COL11A1: variants seen among roughly 807,000 people sequenced by gnomAD.
COL11A1 encodes the protein collagen alpha-1(XI) chain.
In COL11A1, 74 loss-of-function variants were observed where a neutral mutation model predicts 265.2. That is an observed-to-expected ratio of 0.28 (90% confidence interval 0.23 to 0.34). The LOEUF is 0.34. Among genes scored for constraint, COL11A1 ranks in the 10% least tolerant of loss-of-function variants. The pLI is 1.00. For synonymous variants in COL11A1, 816 were observed against 727.6 expected (o/e 1.12, Z -1.96); for missense variants, 2,165 against 2,263.6 (o/e 0.96, Z 0.88).
intron 41 of COL11A1, 23 bp downstream of exon 41, chr1:102,961,843 C>G (rs746249709): frequency 2.1e-5 from 33 of 1,606,466 alleles, no homozygotes; most frequent in Non-Finnish European, 2.8e-5. Context: ...GATTGTCTGG[C>G]TATTTATTAT....
chr1:102,999,644 CA>C (rs1245299912), intron 24 of COL11A1, among the ~76,000 whole-genome samples: 2 of 150,870 alleles, frequency 1.3e-5, no homozygotes, highest in Admixed American at 6.6e-5. Flanking sequence ...ATATTTTTAC[CA>C]AAAATAAAAG....
At chr1:103,023,541 GA>G (rs968422483) in intron 7 of COL11A1, among the ~76,000 whole-genome samples, 50 of 152,104 alleles carry the variant, frequency 3.3e-4, no homozygotes, top group African/African-American at 1.1e-3. Flanking sequence ...ATATTTGGTA[GA>G]GACGGGTTTT....
At chr1:103,001,214 TAA>T (rs1287533251) in intron 24 of COL11A1, 1 of 397,480 alleles carries the variant, frequency 2.5e-6, no homozygotes, top group African/African-American at 2.1e-5. Flanking sequence ...GTAAATTTAG[TAA>T]AAATAATTCA....
Position 103,045,823 on chromosome 1 carries a change from G to C in COL11A1, c.652-14579C>G, listed in dbSNP as rs375891538. Among the ~76,000 whole-genome samples, 19 of 147,446 alleles carry C rather than the reference G, an allele frequency of 1.3e-4. No homozygotes were observed. The East Asian group carries it at 2.8e-3, about 22-fold the overall frequency. On this transcript the variant is annotated intron_variant, in intron 4 of 66. Transcript: ENST00000370096. ...GTGACGTTCCCCTTCCTGTGTCCAT[G>C]TGTTCTTATTATTCAATTCCCACCT...
At chr1:102,965,624 C>T in intron 37 of COL11A1, 84 bp from the exon 38 acceptor site, 1 of 1,119,340 alleles carries the variant, frequency 8.9e-7, no homozygotes. Context: ...GAATAAGTCA[C>T]ATTAAAAGAA....
intron 48 of COL11A1, 116 bp downstream of exon 48, chr1:102,921,402 A>G (rs988013774): frequency 2.4e-6 from 2 of 816,792 alleles, no homozygotes; most frequent in Admixed American, 2.4e-5. Flanking sequence ...TGAGTTCTTA[A>G]CCACTTAATA....
chr1:103,002,920 GAA>G (rs1053750762), intron 21 of COL11A1, 129 bp from the exon 22 acceptor site: 12 of 926,586 alleles, frequency 1.3e-5, no homozygotes, highest in Middle Eastern at 3.0e-4. Context: ...GGATTTAATG[GAA>G]ACGAAGAAGA....
In COL11A1 at chr1:103,018,050, AT is replaced by A. The variant is rs141009352; in HGVS notation, c.1351-169del. Reference sequence around the variant, plus strand: ...GTGAAAAGACAACATATAGAAACCAATTTGTAGCTAGTTCAGCTGCTCTCAG... The same window carrying A: ...GTGAAAAGACAACATATAGAAACCAATTGTAGCTAGTTCAGCTGCTCTCAG... On this transcript the variant is annotated intron_variant, in intron 10 of 66. Coordinates refer to ENST00000370096, the MANE Select transcript of COL11A1 (RefSeq NM_001854.4). 7.1e-3 allele frequency among the ~76,000 whole-genome samples: 1,081 copies of A among 152,260 alleles called. 14 individuals carry two copies. Among genetic ancestry groups the A allele is most frequent in the African/African-American group, 0.025 (1,027 of 41,566 alleles).
chr1:103,065,973 G>A (rs923258060), intron 4 of COL11A1, among the ~76,000 whole-genome samples: 3 of 151,998 alleles, frequency 2.0e-5, no homozygotes, highest in African/African-American at 7.2e-5. Flanking sequence ...AGAAAACACA[G>A]GGACCAGAGA....
Position 102,913,621 on chromosome 1 carries a change from T to C in COL11A1, c.4032+16A>G, listed in dbSNP as rs200202502. ...ACTATGTAAAAACTTAAAAATAAAT[T>C]AGTGCATTTACTCACCGGTTGACCA... On this transcript the variant is annotated intron_variant, in intron 53 of 66. Coordinates refer to ENST00000370096, the MANE Select transcript of COL11A1 (RefSeq NM_001854.4). The C allele has an allele frequency of 6.9e-5, 111 of 1,610,470 alleles. No homozygotes were observed. The East Asian group carries it at 2.0e-3, about 29-fold the overall frequency.
chr1:103,008,536 A>C lies in COL11A1; in HGVS notation c.1630-20T>G. The C allele has an allele frequency of 1.9e-6, 3 of 1,608,088 alleles. No homozygotes were observed. The highest frequency in any genetic ancestry group is 1.7e-6 in the Non-Finnish European group (2 of 1,174,616). On this transcript the variant is annotated intron_variant, in intron 14 of 66. Coordinates refer to ENST00000370096, the MANE Select transcript of COL11A1 (RefSeq NM_001854.4). Reference sequence around the variant, plus strand: ...CCCCCCCTATAGAGAAAAAGTGAAGATATTTCACTTAATTTAGCAATTTCC... The same window carrying C: ...CCCCCCCTATAGAGAAAAAGTGAAGCTATTTCACTTAATTTAGCAATTTCC...
chr1:103,006,208 A>AATAAAT (rs372419329), intron 16 of COL11A1, 54 bp downstream of exon 16: 52 of 1,415,918 alleles, frequency 3.7e-5, no homozygotes, highest in Non-Finnish European at 4.5e-5. Flanking sequence ...TAAATAAATA[A>AATAAAT]AACTAATGAT....
intron 2 of COL11A1, among the ~76,000 whole-genome samples, chr1:103,082,270 G>A (rs1953674): frequency 0.15 from 23,119 of 151,832 alleles, 1,888 homozygotes; most frequent in Non-Finnish European, 0.16. Context: ...TTAGATAAGA[G>A]CGGCATGAAA....
chr1:102,909,472 T>A lies in COL11A1; in HGVS notation c.4086+2687A>T, dbSNP rs557881547. On this transcript the variant is annotated intron_variant, in intron 54 of 66. Coordinates refer to ENST00000370096, the MANE Select transcript of COL11A1 (RefSeq NM_001854.4). The stretch of plus-strand genomic sequence containing the variant: ...AAATGTACTAAAAAAGGATGCTTCA[T>A]GTTCTTAAAGCAACAAATAACTAAA... Among the ~76,000 whole-genome samples the A allele has an allele frequency of 7.2e-5, 11 of 152,302 alleles. No homozygotes were observed. The South Asian group carries it at 2.3e-3, about 32-fold the overall frequency.
intron 54 of COL11A1, among the ~76,000 whole-genome samples, chr1:102,908,043 G>C (rs1012134156): frequency 7.2e-5 from 11 of 152,024 alleles, no homozygotes; most frequent in African/African-American, 1.9e-4. Context: ...AATCTTCACT[G>C]TTTTTTGAAA....
intron 4 of COL11A1, among the ~76,000 whole-genome samples, chr1:103,053,679 T>C (rs1464240991): frequency 1.3e-5 from 2 of 152,208 alleles, no homozygotes; most frequent in African/African-American, 4.8e-5. Flanking sequence ...TGTGGCTCTG[T>C]CTACTCTTAT....
intron 26 of COL11A1, among the ~76,000 whole-genome samples, chr1:102,996,416 A>T (rs1412964045): frequency 6.6e-6 from 1 of 151,908 alleles, no homozygotes; most frequent in African/African-American, 2.4e-5. Flanking sequence ...AACTAACAAG[A>T]TTGATAATTT....
At chr1:102,958,736 AAC>A (rs1660610491) in intron 41 of COL11A1, among the ~76,000 whole-genome samples, 1 of 152,208 alleles carries the variant, frequency 6.6e-6, no homozygotes, top group Non-Finnish European at 1.5e-5. Context: ...ATTTCAAATA[AAC>A]ACAGTGAGCA....
At chr1:102,978,590 C>A (rs1662726397) in intron 35 of COL11A1, 118 bp downstream of exon 35, 2 of 1,102,086 alleles carry the variant, frequency 1.8e-6, no homozygotes, top group Admixed American at 4.0e-5. Flanking sequence ...TAAATTCAGA[C>A]TAGATTTTGT....
Sources: gnomAD v4.1 joint callset for allele counts (sites outside exome capture counted in the v4.1 genomes callset) on GRCh38, gnomAD v4.1.1 for gene constraint, MANE v1.5 for transcripts, NCBI Gene and HGNC (gene_info 2026-07-23, HGNC 2026-07-21) for gene names.